TOP6BL: variants seen among roughly 807,000 people sequenced by gnomAD.
TOP6BL encodes the protein type 2 DNA topoisomerase 6 subunit B-like.
At chr11:66,826,255 T>A in the TOP6BL span, among the ~76,000 whole-genome samples, 4 of 152,344 alleles carry the variant, frequency 2.6e-5, no homozygotes, top group East Asian at 7.7e-4. Flanking sequence ...ATCTCATATA[T>A]ATTTGTAACC....
At chr11:66,762,698 T>C in the TOP6BL span, among the ~76,000 whole-genome samples, 1 of 152,212 alleles carries the variant, frequency 6.6e-6, no homozygotes, top group Non-Finnish European at 1.5e-5. Context: ...CTCGAACTCC[T>C]GATCTCGTGA....
At chr11:66,765,418 C>T in the TOP6BL span, among the ~76,000 whole-genome samples, 1 of 152,232 alleles carries the variant, frequency 6.6e-6, no homozygotes, top group Non-Finnish European at 1.5e-5. Context: ...TGCTCATGCT[C>T]AATCACATTT....
the TOP6BL span, chr11:66,838,511 A>C: frequency 1.4e-6 from 2 of 1,423,494 alleles, no homozygotes; most frequent in Admixed American, 1.8e-5. Context: ...GTGAGTTCAA[A>C]CTTTCAAACT....
chr11:66,812,848 T>C, the TOP6BL span, among the ~76,000 whole-genome samples: 2 of 152,216 alleles, frequency 1.3e-5, no homozygotes, highest in East Asian at 3.9e-4. Context: ...CTACTGGCAT[T>C]TGGTGGCTAG....
At chr11:66,775,710 T>A in the TOP6BL span, among the ~76,000 whole-genome samples, 2 of 152,336 alleles carry the variant, frequency 1.3e-5, 1 homozygote, top group Middle Eastern at 6.8e-3. Flanking sequence ...TCTGGAGTTC[T>A]CACAAAAGAT....
chr11:66,834,902 G>A, the TOP6BL span, among the ~76,000 whole-genome samples: 1 of 152,090 alleles, frequency 6.6e-6, no homozygotes, highest in African/African-American at 2.4e-5. Context: ...CCAGGAAGGA[G>A]TGAACAAGAT....
the TOP6BL span, among the ~76,000 whole-genome samples, chr11:66,831,240 C>G: frequency 6.6e-6 from 1 of 152,194 alleles, no homozygotes; most frequent in Non-Finnish European, 1.5e-5. Context: ...TATGACCTAG[C>G]TCTTTCACTC....
chr11:66,812,866 G>A, the TOP6BL span, among the ~76,000 whole-genome samples: 1 of 152,134 alleles, frequency 6.6e-6, no homozygotes, highest in South Asian at 2.1e-4. Flanking sequence ...TAGAGGCCAG[G>A]GATTCTGCTA....
At chr11:66,839,353 C>T in the TOP6BL span, 1 of 372,708 alleles carries the variant, frequency 2.7e-6, no homozygotes, top group Non-Finnish European at 5.4e-6. Flanking sequence ...GGCTACACAG[C>T]CAGTAAATGA....
the TOP6BL span, among the ~76,000 whole-genome samples, chr11:66,810,523 A>G: frequency 6.6e-6 from 1 of 152,168 alleles, no homozygotes; most frequent in East Asian, 1.9e-4. Context: ...GGTCTTCAGT[A>G]TTTAAAGGGG....
At chr11:66,771,511 A>G in the TOP6BL span, 1 of 152,420 alleles carries the variant, frequency 6.6e-6, no homozygotes, top group Non-Finnish European at 1.5e-5. Flanking sequence ...GCACCCTTAC[A>G]CTTCTCAGCC....
the TOP6BL span, among the ~76,000 whole-genome samples, chr11:66,760,625 CAAAAAAA>C: frequency 0.082 from 4,434 of 53,978 alleles, 108 homozygotes; most frequent in East Asian, 0.22. Flanking sequence ...CCCATCTTTA[CAAAAAAA>C]AAAAAAAAAA....
chr11:66,815,697 A>G, the TOP6BL span: 17 of 196,878 alleles, frequency 8.6e-5, no homozygotes, highest in African/African-American at 3.7e-4. Flanking sequence ...ACATAACACA[A>G]ATTAGCTGTT....
the TOP6BL span, among the ~76,000 whole-genome samples, chr11:66,775,132 AAAAG>A: frequency 1.3e-5 from 2 of 151,454 alleles, no homozygotes; most frequent in Admixed American, 6.6e-5. Context: ...AAAAAAAAAA[AAAAG>A]CTCCACAAAA....
chr11:66,801,367 A>G, the TOP6BL span, among the ~76,000 whole-genome samples: 11 of 152,288 alleles, frequency 7.2e-5, no homozygotes, highest in East Asian at 1.5e-3. Context: ...GCTAGTTCCA[A>G]TCCCATTTAG....
At chr11:66,773,136 C>G in the TOP6BL span, among the ~76,000 whole-genome samples, 1 of 152,094 alleles carries the variant, frequency 6.6e-6, no homozygotes, top group South Asian at 2.1e-4. Context: ...GTGGGGCGAT[C>G]TCAGCTCATT....
chr11:66,807,008 A>G, the TOP6BL span, among the ~76,000 whole-genome samples: 1 of 152,228 alleles, frequency 6.6e-6, no homozygotes, highest in African/African-American at 2.4e-5. Context: ...GGGATAAGAC[A>G]GACAAATTTT....
chr11:66,783,724 T>G, the TOP6BL span, among the ~76,000 whole-genome samples: 1 of 152,238 alleles, frequency 6.6e-6, no homozygotes, highest in African/African-American at 2.4e-5. Flanking sequence ...GATCTATTTT[T>G]AATGTCTCTT....
the TOP6BL span, among the ~76,000 whole-genome samples, chr11:66,812,427 C>T: frequency 1.3e-5 from 2 of 152,128 alleles, no homozygotes; most frequent in East Asian, 1.9e-4. Context: ...CCGCCCACCT[C>T]AGCCTCCCAA....
Sources: allele counts gnomAD v4.1 joint callset (sites outside exome capture counted in the v4.1 genomes callset), GRCh38; gene constraint gnomAD v4.1.1; transcripts MANE v1.5; gene names NCBI Gene and HGNC (gene_info 2026-07-23, HGNC 2026-07-21).